The following LARGE1 variants were observed in gnomAD, a reference collection of about 807,000 sequenced individuals.
LARGE1 encodes LARGE xylosyl- and glucuronyltransferase 1, also known as xylosyl- and glucuronyltransferase LARGE1.
In LARGE1, 43 loss-of-function variants were observed where a neutral mutation model predicts 87.6. That is an observed-to-expected ratio of 0.49 (90% confidence interval 0.38 to 0.63). LARGE1 has a LOEUF of 0.63. Among genes scored for constraint, LARGE1 ranks in the 30% least tolerant of loss-of-function variants. LARGE1 has a pLI of 0.00. For missense variants in LARGE1, 802 were observed against 1,000.2 expected, an observed-to-expected ratio of 0.80 and a Z score of 2.67; for synonymous variants, 434 against 394.6, an observed-to-expected ratio of 1.10 and a Z score of -1.18.
intron 3 of LARGE1, among the ~76,000 whole-genome samples, chr22:33,631,846 C>G (rs2080121160): frequency 6.6e-6 from 1 of 152,142 alleles, no homozygotes; most frequent in South Asian, 2.1e-4. Context: ...ACCAACATCA[C>G]CAAACACATG....
chr22:33,457,293 CTTTTTTTTTTTTT>C (rs759460321), intron 6 of LARGE1, among the ~76,000 whole-genome samples: 17,761 of 74,888 alleles, frequency 0.24, 911 homozygotes, highest in East Asian at 0.37. Context: ...ACGCCTGGCT[CTTTTTTTTTTTTT>C]TTTTTTTTTT....
At chr22:33,245,488 A>G (rs1006349224) in intron 11 of LARGE1, among the ~76,000 whole-genome samples, 1 of 152,106 alleles carries the variant, frequency 6.6e-6, no homozygotes, top group Non-Finnish European at 1.5e-5. Flanking sequence ...GACCATTTCT[A>G]CCTCTTGGTA....
chr22:33,856,588 C>T (rs1482969760), intron 1 of LARGE1, among the ~76,000 whole-genome samples: 2 of 152,210 alleles, frequency 1.3e-5, no homozygotes, highest in East Asian at 1.9e-4. Context: ...AGGCGGACAA[C>T]GCCAAGCCCT....
chr22:33,279,281 A>C (rs1233233489), intron 13 of LARGE1, among the ~76,000 whole-genome samples: 2 of 152,178 alleles, frequency 1.3e-5, no homozygotes, highest in Non-Finnish European at 2.9e-5. Context: ...AGCTTCATGA[A>C]ATGAAAACAA....
At chr22:33,440,393 C>T (rs1356521623) in intron 6 of LARGE1, among the ~76,000 whole-genome samples, 2 of 152,104 alleles carry the variant, frequency 1.3e-5, no homozygotes, top group African/African-American at 4.8e-5. Context: ...TTTCCACCCC[C>T]AGAAAAGCTC....
intron 11 of LARGE1, among the ~76,000 whole-genome samples, chr22:33,232,469 G>A (rs16992000): frequency 0.031 from 4,687 of 152,278 alleles, 269 homozygotes; most frequent in African/African-American, 0.11. Context: ...ATGCTCATCC[G>A]CCAGGAGAAA....
At position 33,627,904 on chromosome 22, in the gene LARGE1, C is replaced by T. The variant is rs765787048; in HGVS notation, c.409-1578G>A. On this transcript the variant is annotated intron_variant, in intron 3 of 14. Coordinates refer to ENST00000397394, the MANE Select transcript of LARGE1 (RefSeq NM_133642.5). ...GACTCAGAGCCTCACATCACTCTAC[C>T]GCTCCTCTTCCTCTATGGAGGGTCC... Among the ~76,000 whole-genome samples the T allele has an allele frequency of 1.2e-4, 19 of 152,158 alleles. 1 individual carries two copies. Among genetic ancestry groups the T allele is most frequent in the South Asian group, 6.2e-4 (3 of 4,828 alleles).
chr22:33,837,279 C>CACACACACACACACACACACAT (rs1491397964), intron 1 of LARGE1, among the ~76,000 whole-genome samples: 7 of 151,636 alleles, frequency 4.6e-5, no homozygotes, highest in South Asian at 4.2e-4. Context: ...CACACACACA[C>CACACACACACACACACACACAT]ACCTATACAT....
At chr22:33,887,121 G>A (rs2064874187) in intron 1 of LARGE1, among the ~76,000 whole-genome samples, 1 of 152,184 alleles carries the variant, frequency 6.6e-6, no homozygotes, top group Non-Finnish European at 1.5e-5. Flanking sequence ...AACAGCACGT[G>A]AACATCGAAT....
chr22:33,317,381 A>G (rs545594833), intron 10 of LARGE1, among the ~76,000 whole-genome samples: 37 of 152,314 alleles, frequency 2.4e-4, no homozygotes, highest in African/African-American at 8.9e-4. Flanking sequence ...TAGGTCTCGG[A>G]AAAAAACAAA....
In LARGE1 at chr22:33,359,816, G is replaced by A. The variant is rs991830062; in HGVS notation, c.1132-22015C>T. ...CCTGACCTTGTGATCTGCCCGCCTC[G>A]GCCTCCCAAAGTGCTGGGATCACAG... On this transcript the variant is annotated intron_variant, in intron 9 of 14. Coordinates refer to ENST00000397394, the MANE Select transcript of LARGE1 (RefSeq NM_133642.5). Among the ~76,000 whole-genome samples the A allele has an allele frequency of 8.1e-5, 12 of 148,842 alleles. 2 individuals are homozygous for A. The highest frequency in any genetic ancestry group is 1.5e-4 in the Non-Finnish European group (10 of 66,900).
At chr22:33,589,382 A>G (rs900090047) in intron 5 of LARGE1, among the ~76,000 whole-genome samples, 6 of 152,140 alleles carry the variant, frequency 3.9e-5, no homozygotes, top group African/African-American at 1.4e-4. Context: ...TTGCAAATTT[A>G]TATTGTTGTA....
At chr22:33,517,163 C>T (rs926471800) in intron 6 of LARGE1, among the ~76,000 whole-genome samples, 1 of 152,102 alleles carries the variant, frequency 6.6e-6, no homozygotes, top group Non-Finnish European at 1.5e-5. Flanking sequence ...ACTGATGATT[C>T]CAGAGCTATA....
intron 12 of LARGE1, among the ~76,000 whole-genome samples, chr22:33,297,979 C>CAAAAAA (rs757656914): frequency 6.1e-5 from 3 of 48,782 alleles, no homozygotes; most frequent in African/African-American, 1.9e-4. Flanking sequence ...GACATCATCT[C>CAAAAAA]AAAAAAAAAA....
In LARGE1 at chr22:33,394,684, GTCTCAA is replaced by G. The variant is rs141659071; in HGVS notation, c.893-10386_893-10381del. Reference sequence around the variant, plus strand: ...TTTGTGGTCTCAACCATACCATGTGGTCTCAACCTCCTGGGAGCGTGTGTGTGTGTG... The same window carrying G: ...TTTGTGGTCTCAACCATACCATGTGGCCTCCTGGGAGCGTGTGTGTGTGTG... On this transcript the variant is annotated intron_variant, in intron 7 of 14. Transcript: ENST00000397394. Among the ~76,000 whole-genome samples the G allele has an allele frequency of 8.6e-3, 1,297 of 150,492 alleles. 18 individuals carry two copies. Among genetic ancestry groups the G allele is most frequent in the African/African-American group, 0.03 (1,220 of 40,686 alleles).
Position 33,510,412 on chromosome 22 carries a change from G to C in LARGE1, c.787+54436C>G, listed in dbSNP as rs376122010. Among the ~76,000 whole-genome samples, 3 of 152,344 alleles carry C rather than the reference G, an allele frequency of 2.0e-5. No homozygotes were observed. In the South Asian group the frequency reaches 6.2e-4, roughly 32 times the overall value. ...CCTCTAACAATTGGCTTGTGTCTCC[G>C]TGCTAGTAAAAAGTGGAGGTAAAAT... On this transcript the variant is annotated intron_variant, in intron 6 of 14. Transcript: ENST00000397394.
intron 5 of LARGE1, among the ~76,000 whole-genome samples, chr22:33,589,961 T>C (rs1165565182): frequency 6.6e-6 from 1 of 152,216 alleles, no homozygotes; most frequent in Non-Finnish European, 1.5e-5. Context: ...ATGGTATCTA[T>C]CATTTGTGTA....
intron 11 of LARGE1, among the ~76,000 whole-genome samples, chr22:33,206,926 C>T (rs1339447737): frequency 6.6e-6 from 1 of 152,182 alleles, no homozygotes; most frequent in East Asian, 1.9e-4. Context: ...CCAGTTAGTC[C>T]AGTTTAAAAT....
chr22:33,315,978 C>T, intron 11 of LARGE1, 107 bp downstream of exon 11: 1 of 1,310,750 alleles, frequency 7.6e-7, no homozygotes, highest in South Asian at 1.3e-5. Context: ...CTCCATCCTC[C>T]AATTTTAGCA....
Sources: allele counts gnomAD v4.1 joint callset (sites outside exome capture counted in the v4.1 genomes callset), GRCh38; gene constraint gnomAD v4.1.1; transcripts MANE v1.5; gene names NCBI Gene and HGNC (gene_info 2026-07-23, HGNC 2026-07-21).